Variants in ADGRV1 observed in about 807,000 individuals in gnomAD.
ADGRV1 encodes the protein G-protein coupled receptor 98.
In ADGRV1, 359 loss-of-function variants were observed where a neutral mutation model predicts 596.2. The ratio of observed to expected loss-of-function variants is 0.60; its 90% CI spans 0.55 to 0.66. ADGRV1 has a LOEUF of 0.66. ADGRV1 is among the 30% of genes least tolerant of loss of function. The probability of loss-of-function intolerance (pLI) is 0.00; values close to 1 mark genes in which losing one functional copy is unlikely to be tolerated. For missense variants in ADGRV1, 7,274 were observed against 7,575.6 expected (o/e 0.96, Z 1.48); for synonymous variants, 2,681 against 2,679.2 (o/e 1.00, Z -0.02).
At chr5:90,599,710 T>A (rs901189651) in intron 1 of ADGRV1, among the ~76,000 whole-genome samples, 1 of 152,062 alleles carries the variant, frequency 6.6e-6, no homozygotes, top group Non-Finnish European at 1.5e-5. Context: ...CGACAAAACA[T>A]CGTAGCATAC....
At chr5:90,584,510 G>A (rs989688347) in intron 1 of ADGRV1, among the ~76,000 whole-genome samples, 7 of 152,192 alleles carry the variant, frequency 4.6e-5, no homozygotes, top group Non-Finnish European at 1.0e-4. Flanking sequence ...GGTAGAGCTT[G>A]GTGGGGACCA....
chr5:91,030,968 A>G (rs894754254), intron 85 of ADGRV1: 1 of 1,265,516 alleles, frequency 7.9e-7, no homozygotes, highest in African/African-American at 1.5e-5. Flanking sequence ...ATCAAAGGAA[A>G]AAACGTCGAC....
intron 83 of ADGRV1, among the ~76,000 whole-genome samples, chr5:90,942,027 G>C (rs745650254): frequency 6.6e-6 from 1 of 152,146 alleles, no homozygotes; most frequent in Non-Finnish European, 1.5e-5. Flanking sequence ...GTAAGGAATT[G>C]TCCAGAAATA....
intron 87 of ADGRV1, among the ~76,000 whole-genome samples, chr5:91,138,951 A>T (rs1339013081): frequency 6.6e-6 from 1 of 152,134 alleles, no homozygotes; most frequent in African/African-American, 2.4e-5. Context: ...TTGTGTTTTT[A>T]GTAGAGACAG....
At chr5:90,865,082 C>T (rs1767966793) in intron 83 of ADGRV1, among the ~76,000 whole-genome samples, 1 of 152,034 alleles carries the variant, frequency 6.6e-6, no homozygotes, top group Non-Finnish European at 1.5e-5. Flanking sequence ...CTGTAAATTC[C>T]ATAACTCTGT....
At chr5:90,964,331 A>G (rs1353208864) in intron 83 of ADGRV1, among the ~76,000 whole-genome samples, 1 of 152,154 alleles carries the variant, frequency 6.6e-6, no homozygotes, top group Non-Finnish European at 1.5e-5. Flanking sequence ...GGAATAAATC[A>G]TTCATTCTTT....
At chr5:90,776,704 C>A in intron 61 of ADGRV1, 128 bp downstream of exon 61, 1 of 1,041,554 alleles carries the variant, frequency 9.6e-7, no homozygotes, top group Non-Finnish European at 1.4e-6. Flanking sequence ...ATACTGTTAA[C>A]ATCCTGTGGA....
chr5:91,056,295 G>A (rs1042260879), intron 85 of ADGRV1, among the ~76,000 whole-genome samples: 2 of 152,196 alleles, frequency 1.3e-5, no homozygotes, highest in Middle Eastern at 3.4e-3. Context: ...AAGCTGTAGT[G>A]GATCAGACCA....
chr5:90,738,067 C>T (rs1178451851), intron 50 of ADGRV1, among the ~76,000 whole-genome samples: 2 of 151,854 alleles, frequency 1.3e-5, no homozygotes, highest in Non-Finnish European at 2.9e-5. Context: ...GCTTTTAATC[C>T]TTTCTTTTTA....
At chr5:90,784,797 A>G (rs926058136) in intron 67 of ADGRV1, among the ~76,000 whole-genome samples, 1 of 152,216 alleles carries the variant, frequency 6.6e-6, no homozygotes, top group Non-Finnish European at 1.5e-5. Context: ...AGAACATTCC[A>G]TGCTCATGGA....
intron 31 of ADGRV1, 98 bp from the exon 32 acceptor site, chr5:90,692,507 G>A: frequency 3.5e-6 from 3 of 857,038 alleles, no homozygotes; most frequent in Non-Finnish European, 5.3e-6. Flanking sequence ...TTTTGTTCTT[G>A]TACTTGTATG....
intron 83 of ADGRV1, among the ~76,000 whole-genome samples, chr5:90,900,832 A>G (rs1318815324): frequency 2.0e-5 from 3 of 152,154 alleles, no homozygotes; most frequent in African/African-American, 7.2e-5. Context: ...CTTTTCTTTT[A>G]AAAGAAAATA....
intron 87 of ADGRV1, among the ~76,000 whole-genome samples, chr5:91,141,286 T>G (rs1430560469): frequency 6.6e-6 from 1 of 152,204 alleles, no homozygotes; most frequent in African/African-American, 2.4e-5. Context: ...TAGTTTTGAA[T>G]AGTGTCCCCT....
rs78802836 is a variant in ADGRV1, at chr5:90,598,506, G to A, written c.23-16329G>A. ...TCTGAAGAAAGCACATACAGAGTAC[G>A]TGCTGACCCGTGCCAGGAGTTGGGG... On this transcript the variant is annotated intron_variant, in intron 1 of 89. Transcript: ENST00000405460. Among the ~76,000 whole-genome samples, 70 of 152,318 alleles carry A rather than the reference G, an allele frequency of 4.6e-4. No homozygotes were observed. In the East Asian group the frequency reaches 0.011, roughly 23 times the overall value.
intron 23 of ADGRV1, 107 bp downstream of exon 23, chr5:90,674,341 C>A: frequency 3.0e-6 from 2 of 659,942 alleles, no homozygotes; most frequent in Non-Finnish European, 4.8e-6. Flanking sequence ...AGAATGCCTT[C>A]AGACCTCCTA....
At chr5:91,154,569 G>A (rs1445169648) in intron 89 of ADGRV1, among the ~76,000 whole-genome samples, 1 of 152,210 alleles carries the variant, frequency 6.6e-6, no homozygotes, top group Admixed American at 6.5e-5. Context: ...CGCCTCTCGA[G>A]TGCTTTGTTA....
At chr5:90,977,017 G>T (rs2151017977) in intron 84 of ADGRV1, among the ~76,000 whole-genome samples, 1 of 152,248 alleles carries the variant, frequency 6.6e-6, no homozygotes, top group South Asian at 2.1e-4. Flanking sequence ...AAGCAAATGT[G>T]CGTGTTATTT....
chr5:91,053,540 T>C (rs112424930), intron 85 of ADGRV1, among the ~76,000 whole-genome samples: 84 of 152,302 alleles, frequency 5.5e-4, no homozygotes, highest in African/African-American at 1.9e-3. Context: ...GGAAACAAAG[T>C]TGAGAAATTT....
intron 37 of ADGRV1, 75 bp downstream of exon 37, chr5:90,705,654 A>G (rs1748492062): frequency 1.7e-6 from 2 of 1,177,736 alleles, no homozygotes; most frequent in African/African-American, 1.5e-5. Context: ...GATGAAAGCC[A>G]TTGCTAAAAT....
Sources: gnomAD v4.1 joint callset for allele counts (sites outside exome capture counted in the v4.1 genomes callset) on GRCh38, gnomAD v4.1.1 for gene constraint, MANE v1.5 for transcripts, NCBI Gene and HGNC (gene_info 2026-07-23, HGNC 2026-07-21) for gene names.